BCL2L14: variants seen among roughly 807,000 people sequenced by gnomAD.
BCL2L14 encodes BCL2 like 14.
Under a neutral mutation model 35.3 loss-of-function variants are expected in BCL2L14, and 27 were observed. That is an observed-to-expected ratio of 0.76 (90% CI 0.56 to 1.05). The LOEUF (loss-of-function observed/expected upper bound fraction) is 1.05, where lower values mean the gene tolerates loss of function less well. Ranked by LOEUF, BCL2L14 falls within the 50% of genes least tolerant of loss-of-function variation. BCL2L14 has a pLI of 0.00. For missense variants in BCL2L14, 377 were observed against 382.6 expected (o/e 0.99, Z 0.12); for synonymous variants, 139 against 145.9 (o/e 0.95, Z 0.34).
At chr12:12,095,810 T>C in intron 5 of BCL2L14, 3 of 985,406 alleles carry the variant, frequency 3.0e-6, no homozygotes, top group Non-Finnish European at 2.4e-6. Flanking sequence ...CCCAAGGGTC[T>C]GAAGTGCCCG....
chr12:12,061,238 T>G (rs1222621244), intron 2 of BCL2L14, among the ~76,000 whole-genome samples: 1 of 151,558 alleles, frequency 6.6e-6, no homozygotes, highest in Non-Finnish European at 1.5e-5. Context: ...GTTCAAAGCC[T>G]CCTTCACATC....
intron 3 of BCL2L14, among the ~76,000 whole-genome samples, chr12:12,088,520 C>T (rs1024957490): frequency 6.6e-6 from 1 of 152,206 alleles, no homozygotes; most frequent in Admixed American, 6.5e-5. Flanking sequence ...CAGCTGCCAA[C>T]ATTCACTGTG....
chr12:12,063,925 T>A (rs1948563619), intron 2 of BCL2L14, among the ~76,000 whole-genome samples: 1 of 151,688 alleles, frequency 6.6e-6, no homozygotes, highest in South Asian at 2.1e-4. Context: ...CAACCCCCCT[T>A]CTTCCTTTAC....
At chr12:12,095,772 T>C (rs1426550763) in intron 5 of BCL2L14, 1 of 985,270 alleles carries the variant, frequency 1.0e-6, no homozygotes, top group African/African-American at 1.7e-5. Flanking sequence ...GTCTCTTTGC[T>C]GATGGAAGGA....
chr12:12,076,418 A>G (rs1169946192), intron 1 of BCL2L14, among the ~76,000 whole-genome samples: 1 of 152,164 alleles, frequency 6.6e-6, no homozygotes, highest in Non-Finnish European at 1.5e-5. Context: ...ATAAGACAGG[A>G]ATGTGAAGAA....
chr12:12,092,449 C>A (rs981285306), intron 4 of BCL2L14, among the ~76,000 whole-genome samples: 3 of 152,188 alleles, frequency 2.0e-5, no homozygotes, highest in Non-Finnish European at 2.9e-5. Flanking sequence ...CAAGCTCCCA[C>A]TGCAGAGTGC....
intron 5 of BCL2L14, among the ~76,000 whole-genome samples, chr12:12,096,763 C>A (rs533919679): frequency 2.0e-4 from 30 of 152,288 alleles, no homozygotes; most frequent in African/African-American, 6.7e-4. Flanking sequence ...GAAATTGGAA[C>A]CTTTTATGTT....
intron 4 of BCL2L14, among the ~76,000 whole-genome samples, chr12:12,094,311 C>T (rs1949262816): frequency 6.6e-6 from 1 of 152,098 alleles, no homozygotes; most frequent in South Asian, 2.1e-4. Context: ...CAAAGGACAT[C>T]ACATTTTTCT....
At chr12:12,093,081 G>A (rs938271017) in intron 4 of BCL2L14, among the ~76,000 whole-genome samples, 1 of 152,128 alleles carries the variant, frequency 6.6e-6, no homozygotes, top group Non-Finnish European at 1.5e-5. Flanking sequence ...AAGCAGAAGA[G>A]GCAGCATTGA....
chr12:12,066,091 G>A (rs144931786), upstream of BCL2L14, among the ~76,000 whole-genome samples: 3 of 152,194 alleles, frequency 2.0e-5, no homozygotes, highest in Non-Finnish European at 2.9e-5. Flanking sequence ...GCACCTGGCC[G>A]AGAGTTTTTC....
chr12:12,083,579 T>G (rs561651818), intron 2 of BCL2L14, among the ~76,000 whole-genome samples: 1 of 152,310 alleles, frequency 6.6e-6, no homozygotes, highest in Admixed American at 6.5e-5. Context: ...AGGTTTGCTT[T>G]TCTCTCCTTT....
At chr12:12,087,164 A>C in intron 2 of BCL2L14, 49 bp from the exon 3 acceptor site, 1 of 1,591,794 alleles carries the variant, frequency 6.3e-7, no homozygotes, top group Non-Finnish European at 8.6e-7. Context: ...CCAATGAGCC[A>C]GATGAAGTTC....
chr12:12,077,308 G>A lies in BCL2L14; in HGVS notation c.-7-1991G>A, dbSNP rs549711100. Among the ~76,000 whole-genome samples the A allele has an allele frequency of 6.6e-5, 10 of 152,264 alleles. No individual in the cohort carries two copies. The South Asian group carries it at 2.1e-3, about 32-fold the overall frequency. On this transcript the variant is annotated intron_variant, in intron 1 of 5. Transcript: ENST00000308721. ...TGTAATCTCAGCACTTTGGGAGGCT[G>A]AGGCAGGTGGATCACTTGAGCCCAG...
At chr12:12,067,437 A>G (rs1948607258), upstream of BCL2L14, among the ~76,000 whole-genome samples, 1 of 151,950 alleles carries the variant, frequency 6.6e-6, no homozygotes, top group African/African-American at 2.4e-5. Flanking sequence ...TGTAATTGCA[A>G]CTACTCTGGA....
chr12:12,085,325 C>G (rs1249286128), intron 2 of BCL2L14, among the ~76,000 whole-genome samples: 1 of 152,212 alleles, frequency 6.6e-6, no homozygotes, highest in Non-Finnish European at 1.5e-5. Context: ...CAGAGGCCTG[C>G]TTTCCTTTCT....
In BCL2L14 at chr12:12,094,852, G is replaced by A. The variant is rs751565357; in HGVS notation, c.867G>A (p.Pro289=). The A allele has an allele frequency of 1.2e-5, 20 of 1,614,054 alleles. No individual in the cohort carries two copies. The highest frequency in any genetic ancestry group is 1.2e-4 in the Admixed American group (7 of 60,000). The stretch of plus-strand genomic sequence containing the variant: ...AGCTCACAGCTATTGACAACCACCC[G>A]ATGAACAGGGTCCTGGGCTTTGGCA... ...TAKLTAIDNH[P]MNRVLGFGTK... The change falls in exon 5 of 6, where the codon CCG becomes CCA. Residue 289 remains proline, a synonymous_variant. Transcript: ENST00000308721.
intron 2 of BCL2L14, among the ~76,000 whole-genome samples, chr12:12,083,041 T>C (rs192357073): frequency 1.2e-4 from 19 of 152,342 alleles, no homozygotes; most frequent in Admixed American, 9.1e-4. Flanking sequence ...CTCGGCTCAC[T>C]GCAACCTCTG....
At chr12:12,089,717 C>G (rs544582076) in intron 3 of BCL2L14, among the ~76,000 whole-genome samples, 5 of 152,264 alleles carry the variant, frequency 3.3e-5, no homozygotes, top group South Asian at 4.1e-4. Context: ...CCCTGTCCCC[C>G]CAACACACAC....
chr12:12,094,656 G>C lies in BCL2L14; in HGVS notation c.679-8G>C, dbSNP rs1949271136. The C allele has an allele frequency of 6.2e-7, 1 of 1,614,000 alleles. No individual in the cohort carries two copies. Among genetic ancestry groups the C allele is most frequent in the South Asian group, 1.1e-5 (1 of 91,086 alleles). On this transcript the variant is annotated splice_region_variant and splice_polypyrimidine_tract_variant and intron_variant, in intron 4 of 5. Coordinates refer to ENST00000308721, the MANE Select transcript of BCL2L14 (RefSeq NM_138723.2). The stretch of plus-strand genomic sequence containing the variant: ...TACTGTACTGAGTGCTTATTCTTTT[G>C]TACACAGCTGAAGAAAGATAAGGCT...
Sources: gnomAD v4.1 joint callset for allele counts (sites outside exome capture counted in the v4.1 genomes callset) on GRCh38, gnomAD v4.1.1 for gene constraint, MANE v1.5 for transcripts, NCBI Gene and HGNC (gene_info 2026-07-23, HGNC 2026-07-21) for gene names.